The following FARSB variants were observed in gnomAD, a reference collection of about 807,000 sequenced individuals.
The protein encoded by FARSB is phenylalanyl-tRNA synthetase subunit beta.
A neutral mutation model predicts 69.6 loss-of-function variants in FARSB; 40 were observed. The observed-to-expected ratio is 0.57, with a 90% CI of 0.45 to 0.75. The LOEUF is 0.75. FARSB is among the 30% of genes least tolerant of loss of function. FARSB has a pLI of 0.00. For missense variants in FARSB, 632 were observed against 722.9 expected, an observed-to-expected ratio of 0.87 and a Z score of 1.44; for synonymous variants, 235 against 247.2, an observed-to-expected ratio of 0.95 and a Z score of 0.46.
At chr2:222,655,203 T>TAA (rs376792764) in intron 1 of FARSB, among the ~76,000 whole-genome samples, 2 of 143,736 alleles carry the variant, frequency 1.4e-5, no homozygotes, top group African/African-American at 5.1e-5. Flanking sequence ...AAAATAAAAA[T>TAA]AAAAAAAAAA....
At chr2:222,634,934 C>T (rs114018519) in intron 5 of FARSB, among the ~76,000 whole-genome samples, 1,536 of 152,250 alleles carry the variant, frequency 0.01, 22 homozygotes, top group African/African-American at 0.035. Context: ...TAAATTAGAA[C>T]GAACTATCGA....
intron 16 of FARSB, among the ~76,000 whole-genome samples, chr2:222,590,431 T>C (rs966658841): frequency 6.6e-6 from 1 of 151,480 alleles, no homozygotes; most frequent in African/African-American, 2.4e-5. Context: ...AAGTTAATGG[T>C]TGCAGCACAC....
chr2:222,631,597 T>A lies in FARSB; in HGVS notation c.786+7A>T. 1 of 1,450,594 alleles carries A rather than the reference T, an allele frequency of 6.9e-7. No individual in the cohort carries two copies. Among genetic ancestry groups the A allele is most frequent in the Non-Finnish European group, 9.7e-7 (1 of 1,032,298 alleles). 89.9% of individuals were successfully genotyped at this position (1,450,594 alleles called of 1,614,324 possible). ...TCATACAAAAATTGAGTAAAAGTTT[T>A]ACTTACCTTAGTAAAGTCAGTTCCC... On this transcript the variant is annotated splice_region_variant and intron_variant, in intron 8 of 16. Coordinates refer to ENST00000281828, the MANE Select transcript of FARSB (RefSeq NM_005687.5).
chr2:222,642,765 A>C, intron 3 of FARSB, 86 bp downstream of exon 3: 6 of 1,060,266 alleles, frequency 5.7e-6, no homozygotes, highest in Non-Finnish European at 8.1e-6. Flanking sequence ...GCTTTTTCCT[A>C]GAAATTTAAA....
intron 13 of FARSB, among the ~76,000 whole-genome samples, chr2:222,622,514 A>G (rs535802389): frequency 1.1e-4 from 16 of 152,322 alleles, no homozygotes; most frequent in African/African-American, 3.9e-4. Context: ...TGACACTCAT[A>G]TGTTTTAAAA....
intron 14 of FARSB, among the ~76,000 whole-genome samples, chr2:222,614,492 A>G (rs1239417084): frequency 6.6e-6 from 1 of 152,232 alleles, no homozygotes; most frequent in Non-Finnish European, 1.5e-5. Context: ...AAGTTTTCAT[A>G]TCCTGCCTCA....
rs1227239991 is a variant in FARSB, at chr2:222,656,065, A to G, written c.9T>C (p.Thr3=). 6.3e-7 allele frequency: 1 copy of G among 1,596,768 alleles called. No individual in the cohort carries two copies. Among genetic ancestry groups the G allele is most frequent in the Non-Finnish European group, 8.5e-7 (1 of 1,173,120 alleles). Residue 3 remains threonine (T), a synonymous_variant, in exon 1 of 17, where the codon ACT becomes ACC. Transcript: ENST00000281828. ...AGAGCAGATCACGCTTCACGCTGAC[A>G]GTCGGCATGGTGTGTCGAACTCACT... MP[T]VSVKRDLLFQ...
chr2:222,585,913 G>A (rs1690099240), intron 16 of FARSB, among the ~76,000 whole-genome samples: 1 of 152,200 alleles, frequency 6.6e-6, no homozygotes, highest in Non-Finnish European at 1.5e-5. Flanking sequence ...GTGACGGGGA[G>A]AATGGAACCA....
chr2:222,576,360 TAA>T (rs1046145608), intron 16 of FARSB, among the ~76,000 whole-genome samples: 3 of 151,476 alleles, frequency 2.0e-5, no homozygotes, highest in African/African-American at 7.3e-5. Flanking sequence ...ATTTCTGCAA[TAA>T]AGAGATAAGA....
intron 16 of FARSB, among the ~76,000 whole-genome samples, chr2:222,586,657 G>T (rs955258431): frequency 6.6e-6 from 1 of 152,126 alleles, no homozygotes; most frequent in African/African-American, 2.4e-5. Context: ...TAAAGGGATG[G>T]AGGAAGATCT....
Position 222,571,860 on chromosome 2 carries a change from G to A in FARSB, c.*11C>T, listed in dbSNP as rs775673628. On this transcript the variant is annotated 3_prime_UTR_variant, in exon 17 of 17. Coordinates refer to ENST00000281828, the MANE Select transcript of FARSB (RefSeq NM_005687.5). The stretch of plus-strand genomic sequence containing the variant: ...CACCTGGGAAGAGAATCACACCACA[G>A]AGACCAATCTTCACAAAAAGGGTCC... 1 of 1,610,116 alleles carries A rather than the reference G, an allele frequency of 6.2e-7. No homozygotes were observed. The highest frequency in any genetic ancestry group is 8.5e-7 in the Non-Finnish European group (1 of 1,177,790).
At chr2:222,596,175 C>T (rs975549083) in intron 16 of FARSB, among the ~76,000 whole-genome samples, 6 of 152,108 alleles carry the variant, frequency 3.9e-5, no homozygotes, top group Non-Finnish European at 5.9e-5. Context: ...GCTACAACTA[C>T]GGGCTTTCTG....
rs781469190 is a variant in FARSB at position 222,613,913 on chromosome 2, G to A, written c.1360C>T (p.Leu454Phe). Residue 454 changes from leucine to phenylalanine, a missense_variant, in exon 15 of 17, where the codon CTT (leucine) becomes TTT (phenylalanine). Leu to Phe is a conservative substitution (Grantham distance 22, BLOSUM62 0). Transcript: ENST00000281828. ...TAEFQVARTTLLPGLLKTIAA... is the reference protein window; with the variant it reads ...TAEFQVARTTFLPGLLKTIAA... ...ATGGTCTTCAGGAGGCCAGGAAGAA[G>A]GGTAGTGCGTGCCACCTACAGGAAA... 1.2e-6 allele frequency: 2 copies of A among 1,612,044 alleles called. No homozygotes were observed. The highest frequency in any genetic ancestry group is 1.7e-6 in the Non-Finnish European group (2 of 1,178,174).
rs1574903778 is a variant in FARSB, at chr2:222,571,580, G to A, written c.*291C>T. 8.2e-6 allele frequency: 2 copies of A among 242,810 alleles called. No individual in the cohort carries two copies. Among genetic ancestry groups the A allele is most frequent in the East Asian group, 1.7e-4 (2 of 11,468 alleles). 15.0% of individuals were successfully genotyped at this position (242,810 alleles called of 1,614,324 possible). ...AATGTGATGTTCTGATGTCTGAGGA[G>A]CACGTCTGCCTTTCAGAACAGATCC... is the stretch of plus-strand genomic sequence containing the variant. On this transcript the variant is annotated 3_prime_UTR_variant, in exon 17 of 17. Transcript: ENST00000281828.
At chr2:222,612,448 G>A (rs114861466) in intron 15 of FARSB, among the ~76,000 whole-genome samples, 1,556 of 152,346 alleles carry the variant, frequency 0.01, 17 homozygotes, top group Non-Finnish European at 0.016. Context: ...GCCATGGACA[G>A]TAGTAGCTCT....
intron 2 of FARSB, chr2:222,644,619 A>C: frequency 2.4e-6 from 1 of 418,820 alleles, no homozygotes; most frequent in South Asian, 1.7e-5. Flanking sequence ...ATCTGCATTC[A>C]TTTTTCAGCA....
At chr2:222,597,116 G>A (rs1421746269) in intron 16 of FARSB, among the ~76,000 whole-genome samples, 2 of 152,100 alleles carry the variant, frequency 1.3e-5, no homozygotes, top group Admixed American at 1.3e-4. Flanking sequence ...GGCCAATGAT[G>A]GTGATAGGGG....
intron 1 of FARSB, among the ~76,000 whole-genome samples, chr2:222,650,555 G>A (rs1375440256): frequency 6.6e-6 from 1 of 152,214 alleles, no homozygotes; most frequent in Non-Finnish European, 1.5e-5. Context: ...TGTAGAAGGA[G>A]TCTAAGATGA....
rs577243312 is a variant in FARSB at position 222,580,523 on chromosome 2, A to G, written c.1619-8501T>C. Among the ~76,000 whole-genome samples the G allele has an allele frequency of 2.6e-5, 4 of 152,270 alleles. No individual in the cohort carries two copies. The East Asian group carries it at 7.7e-4, about 29-fold the overall frequency. On this transcript the variant is annotated intron_variant, in intron 16 of 16. Transcript: ENST00000281828. ...AAAAAAAAAATAGTGCTACATAGGT[A>G]AAAAGAAAATGAATCATTGTATAGC...
Sources: allele counts gnomAD v4.1 joint callset (sites outside exome capture counted in the v4.1 genomes callset), GRCh38; gene constraint gnomAD v4.1.1; transcripts MANE v1.5; gene names NCBI Gene and HGNC (gene_info 2026-07-23, HGNC 2026-07-21).